Variants in PTK2 observed in about 807,000 individuals in gnomAD.
The protein encoded by PTK2 is protein tyrosine kinase 2.
A neutral mutation model predicts 150.1 loss-of-function variants in PTK2; 45 were observed. The ratio of observed to expected loss-of-function variants is 0.30; its 90% CI spans 0.24 to 0.38. The LOEUF is 0.38. PTK2 is among the 10% of genes least tolerant of loss of function. PTK2 has a pLI of 1.00. For synonymous variants in PTK2, 432 were observed against 449.2 expected, an observed-to-expected ratio of 0.96 and a Z score of 0.48; for missense variants, 919 against 1,307.3, an observed-to-expected ratio of 0.70 and a Z score of 4.58.
rs1462464952 is a variant in PTK2, at chr8:140,686,733, T to C, written c.2500-39A>G. On this transcript the variant is annotated intron_variant, in intron 26 of 31. Coordinates refer to ENST00000522684, the Ensembl canonical transcript of PTK2. ...AACAAAATCAAAACAATTTCATTTT[T>C]GATTTGAAAATTTTTGACAGATTCT... 3.8e-6 allele frequency: 6 copies of C among 1,564,298 alleles called. No homozygotes were observed. The African/African-American group carries it at 8.2e-5, about 21-fold the overall frequency.
intron 2 of PTK2, among the ~76,000 whole-genome samples, chr8:140,918,749 C>T (rs1187944497): frequency 1.3e-5 from 2 of 152,164 alleles, no homozygotes; most frequent in African/African-American, 4.8e-5. Flanking sequence ...CACTGCTGTG[C>T]TTTTTGAGGT....
At chr8:140,845,484 C>CT (rs1345323469) in intron 7 of PTK2, among the ~76,000 whole-genome samples, 3 of 152,174 alleles carry the variant, frequency 2.0e-5, no homozygotes, top group Non-Finnish European at 2.9e-5. Flanking sequence ...ATCACTCATT[C>CT]TTTAAGACTT....
intron 4 of PTK2, among the ~76,000 whole-genome samples, chr8:140,867,408 T>A (rs1008304224): frequency 3.3e-5 from 5 of 152,166 alleles, no homozygotes; most frequent in African/African-American, 1.2e-4. Flanking sequence ...AGGCATGGGA[T>A]TCCTCTCCAG....
chr8:140,803,587 C>G (rs1443621256), exon 11 of PTK2: 2 of 1,613,902 alleles, frequency 1.2e-6, no homozygotes, highest in African/African-American at 2.7e-5. Context: ...CCTTTTCTGT[C>G]CTTGTCTTCA....
chr8:140,992,279 G>A (rs2100196001), intron 1 of PTK2, among the ~76,000 whole-genome samples: 2 of 141,132 alleles, frequency 1.4e-5, no homozygotes, highest in Admixed American at 7.4e-5. Context: ...GCAACAGAGT[G>A]AGACTTCATC....
At chr8:140,962,038 T>C (rs1221796219) in intron 1 of PTK2, among the ~76,000 whole-genome samples, 1 of 147,234 alleles carries the variant, frequency 6.8e-6, no homozygotes, top group Non-Finnish European at 1.5e-5. Context: ...AGGCCAGGAG[T>C]TCAAGACCAG....
chr8:140,911,247 T>C (rs1006859033), intron 2 of PTK2, among the ~76,000 whole-genome samples: 1 of 152,128 alleles, frequency 6.6e-6, no homozygotes, highest in Non-Finnish European at 1.5e-5. Context: ...TTTTATTTCA[T>C]GGTATATTGT....
chr8:140,846,532 T>A (rs752414139), intron 6 of PTK2, 67 bp downstream of exon 6: 1 of 1,335,282 alleles, frequency 7.5e-7, no homozygotes, highest in African/African-American at 1.5e-5. Context: ...GGAAAATACC[T>A]GGAAAATATT....
At chr8:140,704,468 A>G (rs1253197905) in intron 24 of PTK2, among the ~76,000 whole-genome samples, 3 of 152,226 alleles carry the variant, frequency 2.0e-5, no homozygotes, top group Non-Finnish European at 4.4e-5. Flanking sequence ...AACACGTACT[A>G]GAGTTTCAAA....
At chr8:140,829,903 C>G (rs1277699482) in intron 8 of PTK2, among the ~76,000 whole-genome samples, 2 of 152,172 alleles carry the variant, frequency 1.3e-5, no homozygotes, top group Non-Finnish European at 2.9e-5. Flanking sequence ...GATGTGTGCT[C>G]TGGATTAGCT....
At chr8:140,848,531 C>G (rs1015811436) in intron 5 of PTK2, among the ~76,000 whole-genome samples, 4 of 152,160 alleles carry the variant, frequency 2.6e-5, no homozygotes, top group African/African-American at 9.7e-5. Context: ...TATTTTCCCT[C>G]CTTTACAAGG....
chr8:140,743,440 T>C, intron 19 of PTK2, 110 bp from the exon 23 acceptor site: 1 of 640,460 alleles, frequency 1.6e-6, no homozygotes, highest in African/African-American at 1.8e-5. Flanking sequence ...TTATATACAA[T>C]GCGAGCAGAT....
chr8:140,951,924 T>C, intron 1 of PTK2, among the ~76,000 whole-genome samples: 1 of 151,826 alleles, frequency 6.6e-6, no homozygotes, highest in East Asian at 1.9e-4. Context: ...TTTTTTTAAG[T>C]TCCAATGAGC....
intron 2 of PTK2, chr8:140,921,193 A>T: frequency 9.9e-7 from 1 of 1,008,416 alleles, no homozygotes; most frequent in Non-Finnish European, 1.2e-6. Context: ...CAGCTTAGTA[A>T]TGTGACCCCA....
chr8:140,691,790 T>C (rs1370574702), intron 26 of PTK2, among the ~76,000 whole-genome samples: 3 of 152,220 alleles, frequency 2.0e-5, no homozygotes, highest in Non-Finnish European at 2.9e-5. Flanking sequence ...CCTGGCAGCA[T>C]TGTGCACATA....
At chr8:140,789,423 G>T in intron 14 of PTK2, 51 bp downstream of exon 14, 5 of 1,565,488 alleles carry the variant, frequency 3.2e-6, no homozygotes, top group Non-Finnish European at 4.4e-6. Context: ...ATCTATGATC[G>T]TCTTACCCCA....
chr8:140,729,225 C>CA (rs2100047752), intron 22 of PTK2, among the ~76,000 whole-genome samples: 1 of 151,914 alleles, frequency 6.6e-6, no homozygotes, highest in Non-Finnish European at 1.5e-5. Flanking sequence ...AACTGAAAAC[C>CA]AAAAAAACAC....
At chr8:140,858,702 A>G (rs1375021482) in intron 5 of PTK2, among the ~76,000 whole-genome samples, 1 of 152,214 alleles carries the variant, frequency 6.6e-6, no homozygotes, top group Non-Finnish European at 1.5e-5. Flanking sequence ...AGAACATTAG[A>G]AAAATGGATC....
chr8:140,912,586 T>TCAA (rs1232527959), intron 2 of PTK2, among the ~76,000 whole-genome samples: 2 of 151,216 alleles, frequency 1.3e-5, no homozygotes, highest in East Asian at 3.9e-4. Context: ...TCGACAAAAA[T>TCAA]CAACACCCTC....
Sources: allele counts gnomAD v4.1 joint callset (sites outside exome capture counted in the v4.1 genomes callset), GRCh38; gene constraint gnomAD v4.1.1; transcripts MANE v1.5; gene names NCBI Gene and HGNC (gene_info 2026-07-23, HGNC 2026-07-21).